The following TPTE variants were observed in gnomAD, a reference collection of about 807,000 sequenced individuals.
TPTE encodes transmembrane phosphatase with tensin homology, also known as putative tyrosine-protein phosphatase TPTE.
A neutral mutation model predicts 84.1 loss-of-function variants in TPTE; 59 were observed. The ratio of observed to expected loss-of-function variants is 0.70; its 90% CI spans 0.57 to 0.87. The LOEUF (loss-of-function observed/expected upper bound fraction) is 0.87, where lower values mean the gene tolerates loss of function less well. Among genes scored for constraint, TPTE ranks in the 40% least tolerant of loss-of-function variants. The pLI, the probability that TPTE is intolerant of heterozygous loss-of-function variation, is 0.00. For synonymous variants in TPTE, 130 were observed against 223.5 expected (o/e 0.58, Z 3.73); for missense variants, 382 against 659.6 (o/e 0.58, Z 4.61).
chr21:10,578,279 T>TTCCTCA lies in TPTE; in HGVS notation c.857-56_857-51dup, dbSNP rs1315308135. The TTCCTCA allele has an allele frequency of 1.9e-6, 3 of 1,601,284 alleles. No homozygotes were observed. In the African/African-American group the frequency reaches 4.0e-5, roughly 21 times the overall value. ...TAAGATATGTTAACTTATTCATAAC[T>TTCCTCA]TCCTCATTTATCATGTTATTCCCTA... On this transcript the variant is annotated intron_variant, in intron 15 of 23. Transcript: ENST00000618007.
chr21:10,601,500 C>CAA (rs568600238), intron 21 of TPTE, among the ~76,000 whole-genome samples: 177 of 149,344 alleles, frequency 1.2e-3, no homozygotes, highest in South Asian at 3.0e-3. Context: ...CTGTCTCAAA[C>CAA]AAAAAAAAAA....
At chr21:10,559,459 A>C in intron 8 of TPTE, 35 bp from the exon 9 acceptor site, 1 of 1,611,738 alleles carries the variant, frequency 6.2e-7, no homozygotes, top group Non-Finnish European at 8.5e-7. Context: ...TGTTAGAAGA[A>C]ATCTGATTAA....
intron 19 of TPTE, among the ~76,000 whole-genome samples, chr21:10,593,213 G>A (rs1313337489): frequency 3.9e-5 from 6 of 152,424 alleles, no homozygotes; most frequent in East Asian, 1.9e-4. Flanking sequence ...AATTTCAGTC[G>A]TCAGATCATT....
intron 3 of TPTE, among the ~76,000 whole-genome samples, chr21:10,529,010 C>T (rs1194661289): frequency 3.3e-5 from 5 of 152,238 alleles, no homozygotes; most frequent in Non-Finnish European, 5.9e-5. Flanking sequence ...ATGGTAAAAC[C>T]GCGTCTCTAC....
chr21:10,540,408 G>A (rs1040929819), intron 4 of TPTE, among the ~76,000 whole-genome samples: 1 of 152,308 alleles, frequency 6.6e-6, no homozygotes, highest in African/African-American at 2.4e-5. Context: ...TAGGAAAATG[G>A]GGAGGAACTC....
chr21:10,546,700 C>G (rs1024974806), intron 7 of TPTE, among the ~76,000 whole-genome samples: 1 of 152,310 alleles, frequency 6.6e-6, no homozygotes, highest in Non-Finnish European at 1.5e-5. Flanking sequence ...GATAAAGGAT[C>G]AAACCGGCCA....
intron 11 of TPTE, among the ~76,000 whole-genome samples, chr21:10,568,927 T>C (rs2074982198): frequency 6.6e-6 from 1 of 152,312 alleles, no homozygotes; most frequent in Admixed American, 6.5e-5. Context: ...AGTATCTCAA[T>C]CTGTTGCCTC....
intron 17 of TPTE, among the ~76,000 whole-genome samples, chr21:10,588,197 GTTT>G (rs56003123): frequency 8.4e-4 from 126 of 149,616 alleles, no homozygotes; most frequent in African/African-American, 2.2e-3. Flanking sequence ...TTTCTTGAGT[GTTT>G]TTTTTTTTTT....
chr21:10,577,100 GAATT>G (rs1477609944), intron 14 of TPTE, among the ~76,000 whole-genome samples: 1 of 152,300 alleles, frequency 6.6e-6, no homozygotes, highest in African/African-American at 2.4e-5. Context: ...TATCTATTCA[GAATT>G]AAATAAGAAC....
chr21:10,574,029 T>G (rs1294387579), intron 14 of TPTE, among the ~76,000 whole-genome samples: 5 of 152,302 alleles, frequency 3.3e-5, no homozygotes, highest in African/African-American at 1.2e-4. Context: ...TGTGGCCGTT[T>G]TTGATAGTCT....
chr21:10,572,097 T>A (rs1212355174), intron 14 of TPTE, among the ~76,000 whole-genome samples: 1 of 152,242 alleles, frequency 6.6e-6, no homozygotes, highest in Non-Finnish European at 1.5e-5. Flanking sequence ...CTCAAATAGA[T>A]TCAACCCAAA....
intron 3 of TPTE, among the ~76,000 whole-genome samples, chr21:10,528,767 T>TA (rs2074126100): frequency 6.6e-6 from 1 of 152,296 alleles, no homozygotes. Context: ...CTGCTGTTGT[T>TA]ACTATTCCCT....
At chr21:10,574,772 T>C (rs210508) in intron 14 of TPTE, among the ~76,000 whole-genome samples, 12,844 of 136,914 alleles carry the variant, frequency 0.094, 1 homozygote, top group African/African-American at 0.3. Flanking sequence ...GTTTCTCTCA[T>C]GGATCTTTGC....
At chr21:10,556,312 G>A (rs1228067865) in intron 8 of TPTE, among the ~76,000 whole-genome samples, 10 of 152,414 alleles carry the variant, frequency 6.6e-5, no homozygotes, top group African/African-American at 2.4e-4. Flanking sequence ...CTGACCTTGC[G>A]GTAGCTTGCT....
chr21:10,533,415 G>C (rs2074212283), intron 3 of TPTE, among the ~76,000 whole-genome samples: 1 of 152,300 alleles, frequency 6.6e-6, no homozygotes, highest in South Asian at 2.1e-4. Flanking sequence ...CAGTAGTTTT[G>C]CTACAGTCGG....
chr21:10,552,585 T>C, intron 7 of TPTE, 72 bp from the exon 8 acceptor site: 2 of 1,605,834 alleles, frequency 1.2e-6, no homozygotes, highest in Admixed American at 3.4e-5. Context: ...GCTATTCAAA[T>C]ATATTTTTCA....
At chr21:10,573,395 G>A (rs577594271) in intron 14 of TPTE, among the ~76,000 whole-genome samples, 1 of 152,296 alleles carries the variant, frequency 6.6e-6, no homozygotes, top group African/African-American at 2.4e-5. Context: ...TGCAGTAACA[G>A]TTGGGGCCTT....
intron 7 of TPTE, among the ~76,000 whole-genome samples, chr21:10,549,419 CTCAGTGAGATG>C (rs2074531080): frequency 6.6e-6 from 1 of 152,308 alleles, no homozygotes; most frequent in Admixed American, 6.5e-5. Flanking sequence ...CTTAAGGAAA[CTCAGTGAGATG>C]TAAGGTAATA....
intron 3 of TPTE, among the ~76,000 whole-genome samples, chr21:10,537,051 A>G (rs2074279079): frequency 1.3e-5 from 2 of 152,308 alleles, no homozygotes; most frequent in Admixed American, 1.3e-4. Flanking sequence ...CAGTTTCTTG[A>G]CCCTGTGTGA....
Sources: allele counts gnomAD v4.1 joint callset (sites outside exome capture counted in the v4.1 genomes callset), GRCh38; gene constraint gnomAD v4.1.1; transcripts MANE v1.5; gene names NCBI Gene and HGNC (gene_info 2026-07-23, HGNC 2026-07-21).